Variants in PCDHAC1 observed in about 807,000 individuals in gnomAD.
PCDHAC1 encodes the protein protocadherin alpha-C1.
In PCDHAC1, 42 loss-of-function variants were observed where a neutral mutation model predicts 60.0. The observed-to-expected ratio is 0.70, with a 90% CI of 0.55 to 0.90. The LOEUF is 0.90. PCDHAC1 is among the 40% of genes least tolerant of loss of function. The pLI is 0.00. For synonymous variants in PCDHAC1, 468 were observed against 499.3 expected (o/e 0.94, Z 0.84); for missense variants, 1,160 against 1,222.3 (o/e 0.95, Z 0.76).
chr5:140,988,847 C>A (rs2097315589), intron 3 of PCDHAC1: 1 of 152,186 alleles, frequency 6.6e-6, no homozygotes, highest in African/African-American at 2.4e-5. Context: ...CTCCTGAAAC[C>A]TATCCAGTCT....
intron 3 of PCDHAC1, among the ~76,000 whole-genome samples, chr5:140,998,062 C>A (rs2097795439): frequency 6.6e-6 from 1 of 152,176 alleles, no homozygotes; most frequent in Non-Finnish European, 1.5e-5. Flanking sequence ...TCATCATCAA[C>A]AGACTTAGCC....
At chr5:140,980,409 A>C (rs782265012) in intron 2 of PCDHAC1, among the ~76,000 whole-genome samples, 3 of 152,188 alleles carry the variant, frequency 2.0e-5, no homozygotes, top group Non-Finnish European at 4.4e-5. Flanking sequence ...AGGTGGGCAG[A>C]TCATGAGGTC....
intron 1 of PCDHAC1, among the ~76,000 whole-genome samples, chr5:140,949,007 A>T (rs1300926078): frequency 6.6e-6 from 1 of 151,692 alleles, no homozygotes; most frequent in Non-Finnish European, 1.5e-5. Flanking sequence ...TAATTTTTAT[A>T]TGTGATGTTT....
Position 141,006,215 on chromosome 5 carries a change from T to A in PCDHAC1, c.2582-3412T>A, listed in dbSNP as rs530559800. Among the ~76,000 whole-genome samples, 194 of 151,754 alleles carry A rather than the reference T, an allele frequency of 1.3e-3. 2 individuals carry two copies. The highest frequency in any genetic ancestry group is 4.2e-3 in the African/African-American group (174 of 41,396). ...ATGTATGTTATGCCTCATTTTTTTT[T>A]AAATTTTTTATTTTTAGATGGAGTC... On this transcript the variant is annotated intron_variant, in intron 3 of 3. Coordinates refer to ENST00000253807, the MANE Select transcript of PCDHAC1 (RefSeq NM_018898.5).
chr5:140,944,984 T>A (rs972607288), intron 1 of PCDHAC1, among the ~76,000 whole-genome samples: 6 of 152,184 alleles, frequency 3.9e-5, no homozygotes, highest in Non-Finnish European at 8.8e-5. Context: ...GTGGGTCTAC[T>A]TCTGTAACGG....
At chr5:140,941,191 T>TCTTTC (rs1554213808) in intron 1 of PCDHAC1, among the ~76,000 whole-genome samples, 2 of 93,206 alleles carry the variant, frequency 2.1e-5, no homozygotes, top group South Asian at 5.6e-4. Flanking sequence ...GCTTCTTTTT[T>TCTTTC]TTTCTTTCTT....
intron 3 of PCDHAC1, among the ~76,000 whole-genome samples, chr5:141,004,948 C>T (rs1356526927): frequency 6.6e-6 from 1 of 152,236 alleles, no homozygotes; most frequent in African/African-American, 2.4e-5. Context: ...TTCTTACCCT[C>T]TCTCGTCACT....
chr5:140,968,737 C>T, intron 1 of PCDHAC1: 2 of 1,614,148 alleles, frequency 1.2e-6, no homozygotes, highest in Non-Finnish European at 1.7e-6. Flanking sequence ...GCACTTTCAA[C>T]CTGACCGTGG....
Position 140,928,282 on chromosome 5 carries a change from C to G in PCDHAC1, c.1390C>G (p.Leu464Val). The change falls in exon 1 of 4, where the codon CTA (leucine) becomes GTA (valine). Residue 464 changes from leucine (L) to valine (V), a missense_variant. Physicochemically the swap from Leu to Val is conservative, Grantham distance 32. Coordinates refer to ENST00000253807, the MANE Select transcript of PCDHAC1 (RefSeq NM_018898.5). Reference protein sequence around the residue: ...VAENNGPGASLGRVFAQDPDL... With the variant: ...VAENNGPGASVGRVFAQDPDL... ...TGAAAACAATGGCCCTGGGGCCTCT[C>G]TAGGCCGAGTGTTTGCCCAGGACCC... 6.2e-7 allele frequency: 1 copy of G among 1,614,166 alleles called. No homozygotes were observed. The highest frequency in any genetic ancestry group is 8.5e-7 in the Non-Finnish European group (1 of 1,180,038).
chr5:140,971,332 A>G (rs1229650076), intron 1 of PCDHAC1, among the ~76,000 whole-genome samples: 3 of 152,242 alleles, frequency 2.0e-5, no homozygotes, highest in Non-Finnish European at 4.4e-5. Context: ...AAATTATTTC[A>G]GAAAGTGCTT....
intron 1 of PCDHAC1, among the ~76,000 whole-genome samples, chr5:140,946,597 T>A (rs952488909): frequency 1.5e-5 from 2 of 137,412 alleles, no homozygotes; most frequent in Admixed American, 7.5e-5. Context: ...GATGAATAGA[T>A]AAAGAAAATG....
In PCDHAC1 at chr5:140,972,940, A is replaced by G. The variant is rs148421479; in HGVS notation, c.2434-6009A>G. The stretch of plus-strand genomic sequence containing the variant: ...GCCTCCCAAAGTGCTGGGATTACAG[A>G]TGTGAGCCACCATGCCCGGCAAAGG... On this transcript the variant is annotated intron_variant, in intron 1 of 3. Coordinates refer to ENST00000253807, the MANE Select transcript of PCDHAC1 (RefSeq NM_018898.5). Among the ~76,000 whole-genome samples the G allele has an allele frequency of 9.4e-3, 1,423 of 152,078 alleles. 26 individuals are homozygous for G. The highest frequency in any genetic ancestry group is 0.032 in the African/African-American group (1,334 of 41,472).
chr5:141,000,385 CTCTCTCTCTCTA>C (rs1405113604), intron 3 of PCDHAC1, among the ~76,000 whole-genome samples: 12 of 64,976 alleles, frequency 1.8e-4, no homozygotes, highest in Admixed American at 6.0e-4. Context: ...CTCTCTCTCT[CTCTCTCTCTCTA>C]TATATATATA....
intron 1 of PCDHAC1, among the ~76,000 whole-genome samples, chr5:140,949,914 C>T (rs941651578): frequency 1.3e-5 from 2 of 151,190 alleles, no homozygotes; most frequent in African/African-American, 4.8e-5. Context: ...TTAGATATAA[C>T]TATTTTTAGA....
At chr5:140,994,864 G>A (rs2097653681) in intron 3 of PCDHAC1, among the ~76,000 whole-genome samples, 1 of 152,114 alleles carries the variant, frequency 6.6e-6, no homozygotes, top group Non-Finnish European at 1.5e-5. Context: ...TGATGGATGT[G>A]GTAGAATAAA....
In PCDHAC1 at chr5:141,009,994, C is replaced by T; in HGVS notation, c.*57C>T. 1.3e-6 allele frequency: 2 copies of T among 1,577,076 alleles called. No individual in the cohort carries two copies. Among genetic ancestry groups the T allele is most frequent in the South Asian group, 1.2e-5 (1 of 83,074 alleles). On this transcript the variant is annotated 3_prime_UTR_variant, in exon 4 of 4. Transcript: ENST00000253807. Reference sequence around the variant, plus strand: ...GTTTTTGTAATAATGGCAAATCTCTCCCATGTAGCAATTCCCTGCTCCTTT... The same window carrying T: ...GTTTTTGTAATAATGGCAAATCTCTTCCATGTAGCAATTCCCTGCTCCTTT...
Position 140,968,897 on chromosome 5 carries a change from G to A in PCDHAC1, c.2434-10052G>A, listed in dbSNP as rs1554231210. On this transcript the variant is annotated intron_variant, in intron 1 of 3. Transcript: ENST00000253807. The stretch of plus-strand genomic sequence containing the variant: ...TGAAATTACCCTTTATCTAATAATA[G>A]CATTAAGCACAGTGTCTTTTATATT... The A allele has an allele frequency of 3.7e-6, 6 of 1,614,034 alleles. No homozygotes were observed. In the African/African-American group the frequency reaches 4.0e-5, roughly 11 times the overall value.
chr5:140,934,001 T>A (rs2089559391), intron 1 of PCDHAC1, among the ~76,000 whole-genome samples: 1 of 152,066 alleles, frequency 6.6e-6, no homozygotes, highest in Admixed American at 6.6e-5. Context: ...TCACCTCTCA[T>A]TTTTCTTGAC....
In PCDHAC1 at chr5:140,966,814, C is replaced by G. The variant is rs782787958; in HGVS notation, c.2434-12135C>G. 4.5e-6 allele frequency: 7 copies of G among 1,552,328 alleles called. No individual in the cohort carries two copies. The East Asian group carries it at 1.2e-4, about 27-fold the overall frequency. On this transcript the variant is annotated intron_variant, in intron 1 of 3. Coordinates refer to ENST00000253807, the MANE Select transcript of PCDHAC1 (RefSeq NM_018898.5). The stretch of plus-strand genomic sequence containing the variant: ...CTGCGGCGACAGAGCATCCACGGCT[C>G]CGGCGGCCCATGCCCTGGCTGCTGC...
Sources: gnomAD v4.1 joint callset for allele counts (sites outside exome capture counted in the v4.1 genomes callset) on GRCh38, gnomAD v4.1.1 for gene constraint, MANE v1.5 for transcripts, NCBI Gene and HGNC (gene_info 2026-07-23, HGNC 2026-07-21) for gene names.